The following TMEM33 variants were observed in gnomAD, a reference collection of about 807,000 sequenced individuals.
The protein encoded by TMEM33 is transmembrane protein 33.
In TMEM33, 16 loss-of-function variants were observed where a neutral mutation model predicts 29.7. The ratio of observed to expected loss-of-function variants is 0.54; its 90% CI spans 0.36 to 0.82. The LOEUF is 0.82. Ranked by LOEUF, TMEM33 falls within the 40% of genes least tolerant of loss-of-function variation. The pLI is 0.00. For synonymous variants in TMEM33, 112 were observed against 109.4 expected (o/e 1.02, Z -0.15); for missense variants, 252 against 295.3 (o/e 0.85, Z 1.08).
chr4:41,954,049 GA>G lies in TMEM33; in HGVS notation c.615-17del. 6.2e-7 allele frequency: 1 copy of G among 1,610,488 alleles called. No homozygotes were observed. The highest frequency in any genetic ancestry group is 8.5e-7 in the Non-Finnish European group (1 of 1,177,724). On this transcript the variant is annotated intron_variant, in intron 6 of 6. Coordinates refer to ENST00000504986, the MANE Select transcript of TMEM33 (RefSeq NM_018126.3). ...TTGCTTTTTCCTTGTGTTTCTCAAA[GA>G]AAACTATTTTGTCTTGCAGGACCTT...
Position 41,935,553 on chromosome 4 carries a change from T to C in TMEM33, c.45+24T>C, listed in dbSNP as rs188655903. 2.5e-6 allele frequency: 4 copies of C among 1,594,216 alleles called. No homozygotes were observed. The African/African-American group carries it at 5.3e-5, about 21-fold the overall frequency. On this transcript the variant is annotated intron_variant, in intron 1 of 6. Transcript: ENST00000504986. ...TGGTAAGTGCGAGGGCAGGGTAGTC[T>C]GGCTTGATTTGCAAGAGTTAGGAAG...
rs1427259512 is a variant in TMEM33 at position 41,949,336 on chromosome 4, T to C, written c.565T>C (p.Tyr189His). Residue 189 changes from tyrosine to histidine, a missense_variant, in exon 6 of 7, where the codon TAT (tyrosine) becomes CAT (histidine). Coordinates refer to ENST00000504986, the MANE Select transcript of TMEM33 (RefSeq NM_018126.3). Reference protein sequence around the residue: ...QGSLLQPFIYYRFLTLRYSSR... With the variant: ...QGSLLQPFIYHRFLTLRYSSR... ...AAGTTTGCTCCAACCTTTTATATAC[T>C]ATAGATTTCTTACCCTTCGATATTC... The C allele has an allele frequency of 6.2e-7, 1 of 1,611,612 alleles. No homozygotes were observed. The highest frequency in any genetic ancestry group is 1.7e-5 in the Admixed American group (1 of 59,676).
Position 41,947,120 on chromosome 4 carries a change from C to T in TMEM33, c.531-2182C>T, listed in dbSNP as rs1712830906. Among the ~76,000 whole-genome samples, 4 of 151,704 alleles carry T rather than the reference C, an allele frequency of 2.6e-5. No individual in the cohort carries two copies. In the South Asian group the frequency reaches 8.3e-4, roughly 32 times the overall value. ...GCCTGGTGGTGTGTGCCTGTAGTCC[C>T]AGCTACTCGGGAGGCTGAGGCAGGA... On this transcript the variant is annotated intron_variant, in intron 5 of 6. Transcript: ENST00000504986.
In TMEM33 at chr4:41,943,729, CTTAA is replaced by C. The variant is rs1712651869; in HGVS notation, c.329-15_329-12del. The C allele has an allele frequency of 6.2e-7, 1 of 1,610,822 alleles. No individual in the cohort carries two copies. The highest frequency in any genetic ancestry group is 8.5e-7 in the Non-Finnish European group (1 of 1,177,716). On this transcript the variant is annotated splice_polypyrimidine_tract_variant and intron_variant, in intron 3 of 6. Coordinates refer to ENST00000504986, the MANE Select transcript of TMEM33 (RefSeq NM_018126.3). Reference sequence around the variant, plus strand: ...TACTTGATGACTTTTAAATGTTTTCCTTAATTGTTTTCTTTAGTGAGTATCTTCC... The same window carrying C: ...TACTTGATGACTTTTAAATGTTTTCCTTGTTTTCTTTAGTGAGTATCTTCC...
At chr4:41,936,762 C>G (rs1205263434) in intron 1 of TMEM33, among the ~76,000 whole-genome samples, 1 of 152,124 alleles carries the variant, frequency 6.6e-6, no homozygotes, top group Non-Finnish European at 1.5e-5. Context: ...CTGCCCTCTC[C>G]TCCCCTTTTT....
At chr4:41,953,915 G>A in intron 6 of TMEM33, 155 bp from the exon 7 acceptor site, 1 of 822,732 alleles carries the variant, frequency 1.2e-6, no homozygotes. Context: ...AGCACATGCT[G>A]TTGGAAAGTG....
At position 41,939,361 on chromosome 4, in the gene TMEM33, T is replaced by C; in HGVS notation, c.306T>C (p.Phe102=). The stretch of plus-strand genomic sequence containing the variant: ...ACTACCTGTTGTATTCACTCATCTT[T>C]GTAAATTCCTATCCAGTTACAAGTA... The part of the protein sequence containing the change: ...SCHYLLYSLI[F]VNSYPVTMSI... The change falls in exon 3 of 7, where the codon TTT becomes TTC. Residue 102 remains phenylalanine, a synonymous_variant. Transcript: ENST00000504986. The C allele has an allele frequency of 6.2e-7, 1 of 1,613,274 alleles. No homozygotes were observed. The highest frequency in any genetic ancestry group is 1.3e-5 in the African/African-American group (1 of 74,996).
chr4:41,936,886 A>G (rs571009695), intron 1 of TMEM33, among the ~76,000 whole-genome samples: 5 of 152,320 alleles, frequency 3.3e-5, no homozygotes, highest in African/African-American at 9.6e-5. Context: ...ACATTGATTT[A>G]TCCCATCATT....
At chr4:41,953,906 G>C (rs1289687375) in intron 6 of TMEM33, 164 bp from the exon 7 acceptor site, 1 of 752,054 alleles carries the variant, frequency 1.3e-6, no homozygotes, top group Non-Finnish European at 2.3e-6. Flanking sequence ...CATGAAGTGA[G>C]CACATGCTGT....
chr4:41,936,756 C>T (rs1236814907), intron 1 of TMEM33, among the ~76,000 whole-genome samples: 6 of 152,066 alleles, frequency 3.9e-5, no homozygotes, highest in Non-Finnish European at 8.8e-5. Flanking sequence ...ACAGTTCTGC[C>T]CTCTCCTCCC....
At chr4:41,943,910 T>C (rs1329180603) in intron 4 of TMEM33, 96 bp downstream of exon 4, 10 of 1,076,792 alleles carry the variant, frequency 9.3e-6, no homozygotes, top group African/African-American at 1.6e-5. Flanking sequence ...AAAAAGTCCC[T>C]CTATACCTTA....
intron 6 of TMEM33, among the ~76,000 whole-genome samples, chr4:41,951,383 ACT>A (rs1713033933): frequency 6.6e-6 from 1 of 152,002 alleles, no homozygotes; most frequent in Non-Finnish European, 1.5e-5. Context: ...CTATTAAGGA[ACT>A]CTCTGACTGG....
chr4:41,952,781 C>A (rs1323567048), intron 6 of TMEM33, among the ~76,000 whole-genome samples: 1 of 152,024 alleles, frequency 6.6e-6, no homozygotes, highest in Admixed American at 6.6e-5. Flanking sequence ...TGGGAAGTAA[C>A]ATTTATTGAG....
chr4:41,942,464 T>C (rs1173560760), intron 3 of TMEM33, among the ~76,000 whole-genome samples: 1 of 152,198 alleles, frequency 6.6e-6, no homozygotes, highest in Non-Finnish European at 1.5e-5. Flanking sequence ...AAATGAGTTA[T>C]GGTTATAATG....
upstream of TMEM33, chr4:41,935,203 G>T (rs996223408): frequency 1.8e-6 from 1 of 560,768 alleles, no homozygotes; most frequent in African/African-American, 1.9e-5. Context: ...TCACCCCGAA[G>T]CTCCACCTTC....
In TMEM33 at chr4:41,957,284, T is replaced by TTTG. The variant is rs1713310977; in HGVS notation, c.*3085_*3086insTTG. Reference sequence around the variant, plus strand: ...GTATTTAGGTTTTTTTTTTTTTTTTTGGAATGAAGTTCAGAGGTAGATCCT... The same window carrying TTTG: ...GTATTTAGGTTTTTTTTTTTTTTTTTTTGGGAATGAAGTTCAGAGGTAGATCCT... On this transcript the variant is annotated 3_prime_UTR_variant, in exon 7 of 7. Coordinates refer to ENST00000504986, the MANE Select transcript of TMEM33 (RefSeq NM_018126.3). 2 of 150,980 alleles carry TTTG rather than the reference T, an allele frequency of 1.3e-5. No homozygotes were observed. The highest frequency in any genetic ancestry group is 4.9e-5 in the African/African-American group (2 of 41,094). 9.4% of individuals were successfully genotyped at this position (150,980 alleles called of 1,614,324 possible).
chr4:41,946,682 GGTAAT>G (rs1440982319), intron 5 of TMEM33, among the ~76,000 whole-genome samples: 1 of 151,914 alleles, frequency 6.6e-6, no homozygotes, highest in Non-Finnish European at 1.5e-5. Context: ...AAAAGAAAAG[GGTAAT>G]GTAATCTGGG....
intron 5 of TMEM33, among the ~76,000 whole-genome samples, chr4:41,948,266 A>G (rs1341684022): frequency 6.6e-6 from 1 of 152,178 alleles, no homozygotes; most frequent in Non-Finnish European, 1.5e-5. Context: ...CTGGAAGGAC[A>G]TATTCGAGAT....
At chr4:41,953,988 T>C in intron 6 of TMEM33, 82 bp from the exon 7 acceptor site, 7 of 1,542,020 alleles carry the variant, frequency 4.5e-6, no homozygotes, top group Non-Finnish European at 6.2e-6. Flanking sequence ...AAATGAAATA[T>C]CTATGGAGTA....
Sources: gnomAD v4.1 joint callset for allele counts (sites outside exome capture counted in the v4.1 genomes callset) on GRCh38, gnomAD v4.1.1 for gene constraint, MANE v1.5 for transcripts, NCBI Gene and HGNC (gene_info 2026-07-23, HGNC 2026-07-21) for gene names.